Variants in RFWD3 observed in about 807,000 individuals in gnomAD.
RFWD3 encodes ring finger and WD repeat domain 3.
Under a neutral mutation model 87.7 loss-of-function variants are expected in RFWD3, and 65 were observed. The ratio of observed to expected loss-of-function variants is 0.74; its 90% CI spans 0.61 to 0.91. The LOEUF (loss-of-function observed/expected upper bound fraction) is 0.91. Among genes scored for constraint, RFWD3 ranks in the 40% least tolerant of loss-of-function variants. The pLI is 0.00. For missense variants in RFWD3, 1,078 were observed against 938.5 expected, an observed-to-expected ratio of 1.15 and a Z score of -1.94; for synonymous variants, 433 against 352.8, an observed-to-expected ratio of 1.23 and a Z score of -2.55.
chr16:74,653,572 G>C (rs1960734550), intron 2 of RFWD3, among the ~76,000 whole-genome samples: 1 of 152,102 alleles, frequency 6.6e-6, no homozygotes, highest in Non-Finnish European at 1.5e-5. Flanking sequence ...CAGCACTCTG[G>C]AAAGCCAAGG....
At position 74,623,480 on chromosome 16, in the gene RFWD3, A is replaced by G. The variant is rs1958826154; in HGVS notation, c.*448T>C. On this transcript the variant is annotated 3_prime_UTR_variant, in exon 13 of 13. Coordinates refer to ENST00000361070, the MANE Select transcript of RFWD3 (RefSeq NM_018124.4). ...TAATACTCTTTTACATCTACGTTGC[A>G]TCAAATCAGTACCAAGACGATGGTT... 6.4e-6 allele frequency: 1 copy of G among 156,000 alleles called. No homozygotes were observed. Among genetic ancestry groups the G allele is most frequent in the Non-Finnish European group, 1.4e-5 (1 of 70,612 alleles). The allele number at this position is 156,000 out of a possible 1,614,324, so 9.7% of individuals were successfully genotyped here.
intron 2 of RFWD3, among the ~76,000 whole-genome samples, chr16:74,656,694 G>C (rs1267245276): frequency 6.6e-6 from 1 of 152,136 alleles, no homozygotes; most frequent in African/African-American, 2.4e-5. Context: ...CTGAGCTCAG[G>C]CAATCTGCCT....
chr16:74,628,639 C>T lies in RFWD3; in HGVS notation c.1782G>A (p.Met594Ile). 6.2e-7 allele frequency: 1 copy of T among 1,614,172 alleles called. No individual in the cohort carries two copies. Residue 594 changes from methionine (M) to isoleucine (I), a missense_variant, in exon 11 of 13, where the codon ATG becomes ATA. By Grantham distance (10) the Met-to-Ile change is conservative (BLOSUM62 1). Transcript: ENST00000361070. The stretch of plus-strand genomic sequence containing the variant: ...GAAATGCAGCTGAGGCAGCTCTGGG[C>T]ATGTATGACAGGGAGACCAGTGGGC... ...ARCPLVSLSY[M>I]PRAASAAFPY...
chr16:74,662,771 G>A (rs1360734598), intron 1 of RFWD3, among the ~76,000 whole-genome samples: 1 of 152,224 alleles, frequency 6.6e-6, no homozygotes, highest in Non-Finnish European at 1.5e-5. Flanking sequence ...AGGGGTGCAA[G>A]AGCATAAGCT....
intron 6 of RFWD3, 104 bp downstream of exon 6, chr16:74,644,258 G>C: frequency 9.6e-7 from 1 of 1,044,820 alleles, no homozygotes; most frequent in Non-Finnish European, 1.5e-6. Flanking sequence ...CCAAGTCACA[G>C]GTCAAGTAAA....
intron 1 of RFWD3, chr16:74,664,622 A>C (rs1384810658): frequency 1.3e-5 from 2 of 152,100 alleles, no homozygotes; most frequent in African/African-American, 4.8e-5. Flanking sequence ...GATGGTGTGC[A>C]CCTGTGGTCC....
intron 4 of RFWD3, 69 bp downstream of exon 4, chr16:74,649,063 G>A: frequency 9.7e-7 from 1 of 1,028,040 alleles, no homozygotes; most frequent in South Asian, 1.5e-5. Context: ...GCCTGGGTGA[G>A]AGTGAGACCT....
intron 8 of RFWD3, among the ~76,000 whole-genome samples, chr16:74,634,285 A>G (rs948406755): frequency 6.6e-6 from 1 of 152,084 alleles, no homozygotes; most frequent in Non-Finnish European, 1.5e-5. Flanking sequence ...AAGTGGGGGG[A>G]AAATAACCAA....
At chr16:74,625,451 T>C (rs1157999385) in intron 12 of RFWD3, among the ~76,000 whole-genome samples, 1 of 146,522 alleles carries the variant, frequency 6.8e-6, no homozygotes, top group Non-Finnish European at 1.5e-5. Context: ...GAGGTGGAGG[T>C]GGCAGTGAGC....
At chr16:74,627,175 G>C (rs1854659178) in intron 11 of RFWD3, among the ~76,000 whole-genome samples, 1 of 152,174 alleles carries the variant, frequency 6.6e-6, no homozygotes, top group Non-Finnish European at 1.5e-5. Context: ...TTAAAAACAT[G>C]AGTAGACCCA....
At chr16:74,653,987 T>C (rs1960772144) in intron 2 of RFWD3, among the ~76,000 whole-genome samples, 1 of 152,176 alleles carries the variant, frequency 6.6e-6, no homozygotes, top group Admixed American at 6.5e-5. Context: ...AGATATAATA[T>C]ACTATAAAAT....
At chr16:74,639,487 G>T (rs1275006120) in intron 6 of RFWD3, among the ~76,000 whole-genome samples, 2 of 152,166 alleles carry the variant, frequency 1.3e-5, no homozygotes, top group African/African-American at 4.8e-5. Context: ...AGGCTAGGCA[G>T]GATCTTTATG....
intron 9 of RFWD3, 130 bp from the exon 10 acceptor site, chr16:74,631,087 T>G (rs541616661): frequency 1.4e-6 from 1 of 728,106 alleles, no homozygotes; most frequent in Non-Finnish European, 2.1e-6. Context: ...ACTATCTGGA[T>G]TCCCTATTTT....
intron 6 of RFWD3, among the ~76,000 whole-genome samples, chr16:74,643,621 GTTCT>G (rs1351939779): frequency 2.8e-5 from 4 of 141,698 alleles, no homozygotes; most frequent in African/African-American, 1.1e-4. Context: ...TGGTGTGTAT[GTTCT>G]TTAATATTTT....
chr16:74,624,131 T>C (rs1958849925), intron 12 of RFWD3, 60 bp from the exon 13 acceptor site: 10 of 1,556,566 alleles, frequency 6.4e-6, no homozygotes, highest in Non-Finnish European at 8.7e-6. Flanking sequence ...GGGACTTCCA[T>C]TCTTCATCAT....
In RFWD3 at chr16:74,643,669, G is replaced by GCTTTTTTT. The variant is rs56803461; in HGVS notation, c.1079+692_1079+693insAAAAAAAG. 2.3e-4 allele frequency among the ~76,000 whole-genome samples: 24 copies of GCTTTTTTT among 105,052 alleles called. 10 individuals carry two copies. The highest frequency in any genetic ancestry group is 2.4e-4 in the Non-Finnish European group (13 of 53,500). 68.9% of individuals were successfully genotyped at this position (105,052 alleles called of 152,430 possible). On this transcript the variant is annotated intron_variant, in intron 6 of 12. Coordinates refer to ENST00000361070, the MANE Select transcript of RFWD3 (RefSeq NM_018124.4). ...ATACTGAGTGGTGTTACTAGCAACT[G>GCTTTTTTT]TTTTTTTTTTTTTTTTTTTTTTTTG...
rs1567562430 is a variant in RFWD3 at position 74,623,155 on chromosome 16, A to G, written c.*773T>C. The G allele has an allele frequency of 6.6e-6, 1 of 152,582 alleles. No homozygotes were observed. The highest frequency in any genetic ancestry group is 1.9e-4 in the East Asian group (1 of 5,184). 9.5% of individuals were successfully genotyped at this position (152,582 alleles called of 1,614,324 possible). ...CCTGAGATCCTAAGCTGGCTAGAAA[A>G]AACAAAATCTTCCCCACCGCTCAAA... On this transcript the variant is annotated 3_prime_UTR_variant, in exon 13 of 13. Transcript: ENST00000361070.
At chr16:74,650,166 T>C (rs1960456682) in intron 3 of RFWD3, among the ~76,000 whole-genome samples, 1 of 152,230 alleles carries the variant, frequency 6.6e-6, no homozygotes, top group Admixed American at 6.5e-5. Context: ...ATTTGAGATA[T>C]TCCCTTCACA....
rs1368866999 is a variant in RFWD3 at position 74,622,047 on chromosome 16, G to A, written c.*1881C>T. On this transcript the variant is annotated 3_prime_UTR_variant, in exon 13 of 13. Coordinates refer to ENST00000361070, the MANE Select transcript of RFWD3 (RefSeq NM_018124.4). The stretch of plus-strand genomic sequence containing the variant: ...AACGTCCCTCATAGTTAAGTCTCTT[G>A]CTTCCTACTATTAGTGGAATCAATC... 2.0e-5 allele frequency: 3 copies of A among 152,110 alleles called. No homozygotes were observed. The highest frequency in any genetic ancestry group is 4.4e-5 in the Non-Finnish European group (3 of 68,028). 9.4% of individuals were successfully genotyped at this position (152,110 alleles called of 1,614,324 possible).
Sources: gnomAD v4.1 joint callset for allele counts (sites outside exome capture counted in the v4.1 genomes callset) on GRCh38, gnomAD v4.1.1 for gene constraint, MANE v1.5 for transcripts, NCBI Gene and HGNC (gene_info 2026-07-23, HGNC 2026-07-21) for gene names.